The following GALNT17 variants were observed in gnomAD, a reference collection of about 807,000 sequenced individuals.
GALNT17 encodes UDP-GalNAc:polypeptide N-acetylgalactosaminyltransferase-like 3.
In GALNT17, 29 loss-of-function variants were observed where a neutral mutation model predicts 63.7. The observed-to-expected ratio is 0.46, with a 90% confidence interval of 0.34 to 0.62. The LOEUF is 0.62. Ranked by LOEUF, GALNT17 falls within the 20% of genes least tolerant of loss-of-function variation. GALNT17 has a pLI of 0.01. For synonymous variants in GALNT17, 305 were observed against 318.3 expected (o/e 0.96, Z 0.45); for missense variants, 603 against 799.6 (o/e 0.75, Z 2.97).
At chr7:71,534,902 C>T (rs529005142) in intron 5 of GALNT17, among the ~76,000 whole-genome samples, 13 of 152,284 alleles carry the variant, frequency 8.5e-5, no homozygotes, top group East Asian at 3.9e-4. Context: ...TTGCTCACTT[C>T]GGAGAACTAC....
chr7:71,342,011 A>G (rs898178947), intron 2 of GALNT17, among the ~76,000 whole-genome samples: 1 of 152,216 alleles, frequency 6.6e-6, no homozygotes, highest in Non-Finnish European at 1.5e-5. Flanking sequence ...TTGATTGCCT[A>G]GAGTTTGTGA....
chr7:71,451,171 A>C (rs1195775174), intron 5 of GALNT17, among the ~76,000 whole-genome samples: 1 of 152,086 alleles, frequency 6.6e-6, no homozygotes, highest in Non-Finnish European at 1.5e-5. Context: ...ATGAGTGAGA[A>C]CATGTGGTGT....
chr7:71,176,384 A>T (rs1056067444), intron 1 of GALNT17, among the ~76,000 whole-genome samples: 2 of 152,246 alleles, frequency 1.3e-5, no homozygotes, highest in East Asian at 3.9e-4. Flanking sequence ...CAGGGGCTAA[A>T]GTGGCAGGAT....
intron 5 of GALNT17, among the ~76,000 whole-genome samples, chr7:71,475,697 G>T (rs1480665842): frequency 6.6e-6 from 1 of 152,146 alleles, no homozygotes; most frequent in Non-Finnish European, 1.5e-5. Context: ...CACCTAGTTT[G>T]TAGTCATTTC....
chr7:71,388,719 G>A (rs897645681), intron 3 of GALNT17, among the ~76,000 whole-genome samples: 9 of 151,926 alleles, frequency 5.9e-5, no homozygotes, highest in Non-Finnish European at 1.3e-4. Flanking sequence ...TAGAGATGGG[G>A]TTTCACCATG....
At chr7:71,345,160 G>GTT (rs537286552) in intron 2 of GALNT17, among the ~76,000 whole-genome samples, 10 of 121,918 alleles carry the variant, frequency 8.2e-5, no homozygotes, top group African/African-American at 3.2e-4. Flanking sequence ...TTTTTTTTTT[G>GTT]TTTTTTTTTG....
chr7:71,645,298 A>G (rs1244388831), intron 6 of GALNT17, among the ~76,000 whole-genome samples: 1 of 152,174 alleles, frequency 6.6e-6, no homozygotes, highest in Non-Finnish European at 1.5e-5. Flanking sequence ...TGTAATACCC[A>G]CATGTCATGG....
intron 5 of GALNT17, among the ~76,000 whole-genome samples, chr7:71,519,574 G>C (rs1788496436): frequency 6.6e-6 from 1 of 151,960 alleles, no homozygotes; most frequent in African/African-American, 2.4e-5. Flanking sequence ...AGTGATTCTT[G>C]TGCCTCACCC....
chr7:71,155,756 C>T (rs2116231198), intron 1 of GALNT17, among the ~76,000 whole-genome samples: 1 of 151,892 alleles, frequency 6.6e-6, no homozygotes, highest in South Asian at 2.1e-4. Flanking sequence ...TAGAGTACAT[C>T]ATTCTCTGGA....
intron 1 of GALNT17, among the ~76,000 whole-genome samples, chr7:71,257,937 C>G (rs1378809695): frequency 6.6e-6 from 1 of 152,230 alleles, no homozygotes; most frequent in African/African-American, 2.4e-5. Context: ...CCATGTGACA[C>G]CATGAGCCAG....
chr7:71,690,646 C>G (rs1024259721), intron 9 of GALNT17, among the ~76,000 whole-genome samples: 20 of 152,252 alleles, frequency 1.3e-4, no homozygotes, highest in Admixed American at 1.3e-3. Context: ...ATTTTAGATA[C>G]CAGTAAGCAT....
rs573691556 is a variant in GALNT17, at chr7:71,624,154, A to T, written c.1081-41257A>T. Among the ~76,000 whole-genome samples, 300 of 152,224 alleles carry T rather than the reference A, an allele frequency of 2.0e-3. 1 individual carries two copies. The highest frequency in any genetic ancestry group is 3.5e-3 in the Non-Finnish European group (237 of 68,026). The stretch of plus-strand genomic sequence containing the variant: ...GTGCTGATTTCCTGTATTTGCCACT[A>T]CCCAGAGGGCATGGGGCTCCAGGTT... On this transcript the variant is annotated intron_variant, in intron 6 of 10. Coordinates refer to ENST00000333538, the MANE Select transcript of GALNT17 (RefSeq NM_022479.3).
At chr7:71,237,527 A>AAAAAAG (rs1789916605) in intron 1 of GALNT17, among the ~76,000 whole-genome samples, 1 of 151,232 alleles carries the variant, frequency 6.6e-6, no homozygotes. Context: ...AAAAAAAAAA[A>AAAAAAG]AAAAAGAAAA....
intron 1 of GALNT17, among the ~76,000 whole-genome samples, chr7:71,161,857 G>A (rs752433399): frequency 2.0e-5 from 3 of 151,972 alleles, no homozygotes; most frequent in African/African-American, 4.8e-5. Context: ...CTGTTTCAAC[G>A]TTGTATCTGT....
intron 5 of GALNT17, among the ~76,000 whole-genome samples, chr7:71,457,961 C>T (rs1285337658): frequency 6.6e-6 from 1 of 152,100 alleles, no homozygotes; most frequent in Non-Finnish European, 1.5e-5. Context: ...CAGGCATCTC[C>T]AGAAGGCAGG....
chr7:71,645,254 G>A (rs1047965168), intron 6 of GALNT17, among the ~76,000 whole-genome samples: 16 of 152,160 alleles, frequency 1.1e-4, no homozygotes, highest in African/African-American at 2.9e-4. Flanking sequence ...GATATGGTTC[G>A]GTTCTATGTT....
In GALNT17 at chr7:71,156,488, T is replaced by G. The variant is rs75629514; in HGVS notation, c.238+23448T>G. Among the ~76,000 whole-genome samples, 6 of 151,786 alleles carry G rather than the reference T, an allele frequency of 4.0e-5. No homozygotes were observed. In the South Asian group the frequency reaches 1.2e-3, roughly 32 times the overall value. On this transcript the variant is annotated intron_variant, in intron 1 of 10. Coordinates refer to ENST00000333538, the MANE Select transcript of GALNT17 (RefSeq NM_022479.3). ...GATGGTTGATGCCCTGCCCTGCCTTTCCTTTCCCTTCCTTCAAGCAATACA... is the reference window on the plus strand; with the variant it reads ...GATGGTTGATGCCCTGCCCTGCCTTGCCTTTCCCTTCCTTCAAGCAATACA...
chr7:71,403,066 TTG>T (rs1171183956), intron 3 of GALNT17, among the ~76,000 whole-genome samples: 3 of 152,188 alleles, frequency 2.0e-5, no homozygotes, highest in Non-Finnish European at 2.9e-5. Flanking sequence ...ACATTTCTCT[TTG>T]TGTTTTTTTA....
At chr7:71,484,797 A>ATTTTTTTTTTTTTTTTTTTTT (rs386410414) in intron 5 of GALNT17, among the ~76,000 whole-genome samples, 1 of 107,364 alleles carries the variant, frequency 9.3e-6, no homozygotes, top group Non-Finnish European at 1.7e-5. Flanking sequence ...CAGCATCAGG[A>ATTTTTTTTTTTTTTTTTTTTT]TTTTTTTTTT....
Sources: allele counts gnomAD v4.1 joint callset (sites outside exome capture counted in the v4.1 genomes callset), GRCh38; gene constraint gnomAD v4.1.1; transcripts MANE v1.5; gene names NCBI Gene and HGNC (gene_info 2026-07-23, HGNC 2026-07-21).